Variants in EIF2S3 observed in about 807,000 individuals in gnomAD.
The protein encoded by EIF2S3 is eukaryotic translation initiation factor 2 subunit 3.
A neutral mutation model predicts 31.7 loss-of-function variants in EIF2S3; 2 were observed. The observed-to-expected ratio is 0.06, with a 90% CI of 0.03 to 0.20. The LOEUF is 0.20. Ranked by LOEUF, EIF2S3 falls within the 10% of genes least tolerant of loss-of-function variation. EIF2S3 has a pLI of 1.00. For synonymous variants in EIF2S3, 120 were observed against 126.7 expected (o/e 0.95, Z 0.36); for missense variants, 96 against 359.3 (o/e 0.27, Z 5.92).
chrX:24,075,090 C>T (rs1437666575), intron 11 of EIF2S3, among the ~76,000 whole-genome samples: 1 of 109,591 alleles, frequency 9.1e-6, no homozygotes, highest in Non-Finnish European at 1.9e-5. Context: ...GTCTTTAACC[C>T]CCGACCTCAG....
At chrX:24,070,449 T>G (rs1267285539) in intron 9 of EIF2S3, among the ~76,000 whole-genome samples, 3 of 82,152 alleles carry the variant, frequency 3.7e-5, no homozygotes, top group Non-Finnish European at 7.2e-5. Flanking sequence ...GTTTTTTTTT[T>G]TTTTTTTTTT....
chrX:24,064,901 A>G (rs1390732885), intron 7 of EIF2S3, among the ~76,000 whole-genome samples: 9 of 112,175 alleles, frequency 8.0e-5, no homozygotes, highest in African/African-American at 2.6e-4. Flanking sequence ...GGAGTAATAC[A>G]GTATTCTCCA....
chrX:24,071,006 T>A (rs1930661442), intron 9 of EIF2S3, among the ~76,000 whole-genome samples: 1 of 111,576 alleles, frequency 9.0e-6, no homozygotes, highest in Non-Finnish European at 1.9e-5. Context: ...ACCCTTTGTT[T>A]AGAATTTAAA....
chrX:24,078,420 A>G lies in EIF2S3; in HGVS notation c.*1635A>G, dbSNP rs1459768879. ...GCTGGGGAAGCTTTAAAAAAAAAAA[A>G]GATGCCCCACAGAGATTCTGATTTT... On this transcript the variant is annotated 3_prime_UTR_variant, in exon 12 of 12. Coordinates refer to ENST00000253039, the MANE Select transcript of EIF2S3 (RefSeq NM_001415.4). Among the ~76,000 whole-genome samples, 1 of 110,959 alleles carries G rather than the reference A, an allele frequency of 9.0e-6. No individual in the cohort carries two copies. The highest frequency in any genetic ancestry group is 1.9e-5 in the Non-Finnish European group (1 of 53,007).
chrX:24,067,193 G>A (rs962705990), intron 8 of EIF2S3, among the ~76,000 whole-genome samples: 3 of 110,905 alleles, frequency 2.7e-5, no homozygotes, highest in African/African-American at 9.9e-5. Context: ...ACAGGCACTC[G>A]CAACCTCGCC....
intron 7 of EIF2S3, among the ~76,000 whole-genome samples, chrX:24,065,491 G>A (rs2147128220): frequency 9.0e-6 from 1 of 110,921 alleles, no homozygotes; most frequent in African/African-American, 3.3e-5. Context: ...GTGCAGTGGT[G>A]TGTACCTGTA....
Position 24,078,695 on chromosome X carries a change from A to G in EIF2S3, c.*1910A>G, listed in dbSNP as rs940751588. The stretch of plus-strand genomic sequence containing the variant: ...TTGTAGAAGTTTAGAAGCTCTGGCT[A>G]TGGGTTGCCTAAATTGATGTTTTGA... On this transcript the variant is annotated 3_prime_UTR_variant, in exon 12 of 12. Coordinates refer to ENST00000253039, the MANE Select transcript of EIF2S3 (RefSeq NM_001415.4). Among the ~76,000 whole-genome samples the G allele has an allele frequency of 3.2e-4, 36 of 112,212 alleles. No individual in the cohort carries two copies. The highest frequency in any genetic ancestry group is 4.6e-3 in the Middle Eastern group (1 of 218).
At chrX:24,073,497 C>T (rs1404967882) in intron 11 of EIF2S3, 4 of 265,267 alleles carry the variant, frequency 1.5e-5, no homozygotes, top group Non-Finnish European at 2.6e-5. Context: ...TCAAGACCAT[C>T]CTGGCTAACA....
Position 24,062,552 on chromosome X carries a change from G to C in EIF2S3, c.615G>C (p.Glu205Asp). The C allele has an allele frequency of 8.3e-7, 1 of 1,208,928 alleles. No individual in the cohort carries two copies. Among genetic ancestry groups the C allele is most frequent in the South Asian group, 1.8e-5 (1 of 56,183 alleles). ...AAAGTCAGGCTAAAGAACAATACGA[G>C]CAGATCCTTGCATTTGTCCAAGGTA... ...VKESQAKEQY[E>D]QILAFVQGTV... The change falls in exon 6 of 12, where the codon GAG becomes GAC. Residue 205 changes from glutamate (E) to aspartate (D), a missense_variant. This residue lies in a region of EIF2S3 where 30 missense variants were observed against 139.5 expected (regional missense o/e 0.22). Coordinates refer to ENST00000253039, the MANE Select transcript of EIF2S3 (RefSeq NM_001415.4).
At chrX:24,066,429 A>G (rs1387376797) in intron 8 of EIF2S3, among the ~76,000 whole-genome samples, 1 of 109,826 alleles carries the variant, frequency 9.1e-6, no homozygotes, top group Non-Finnish European at 1.9e-5. Context: ...ATGGCCTCCA[A>G]TTCTAGATGT....
At chrX:24,074,547 A>C (rs775835332) in intron 11 of EIF2S3, among the ~76,000 whole-genome samples, 53 of 111,786 alleles carry the variant, frequency 4.7e-4, no homozygotes, top group African/African-American at 1.5e-3. Context: ...CCCTGGATGT[A>C]GCATCCACTG....
At chrX:24,065,335 C>G (rs1306556412) in intron 7 of EIF2S3, among the ~76,000 whole-genome samples, 1 of 111,962 alleles carries the variant, frequency 8.9e-6, no homozygotes. Context: ...TATACACAGG[C>G]TGGGCATGGT....
chrX:24,060,523 T>C (rs1369699351), intron 5 of EIF2S3: 1 of 243,217 alleles, frequency 4.1e-6, no homozygotes, highest in Non-Finnish European at 7.4e-6. Context: ...TGTGTGTGTA[T>C]GTCTGAACTG....
In EIF2S3 at chrX:24,076,856, AT is replaced by A; in HGVS notation, c.*75del. ...ATTCCTCTTAACAACCAAGGGGTTT[AT>A]TTTCAAAGCAATATTGGGGAATTGA... On this transcript the variant is annotated 3_prime_UTR_variant, in exon 12 of 12. Coordinates refer to ENST00000253039, the MANE Select transcript of EIF2S3 (RefSeq NM_001415.4). 1 of 925,148 alleles carries A rather than the reference AT, an allele frequency of 1.1e-6. No homozygotes were observed. The highest frequency in any genetic ancestry group is 1.5e-6 in the Non-Finnish European group (1 of 679,262). The allele number at this position is 925,148 out of a possible 1,213,427, so 76.2% of individuals were successfully genotyped here.
At position 24,078,644 on chromosome X, in the gene EIF2S3, G is replaced by T. The variant is rs1331263873; in HGVS notation, c.*1859G>T. 8.9e-6 allele frequency among the ~76,000 whole-genome samples: 1 copy of T among 111,930 alleles called. No individual in the cohort carries two copies. The highest frequency in any genetic ancestry group is 1.9e-5 in the Non-Finnish European group (1 of 53,225). ...ATTGAGATGGGATTTGAAGCATATT[G>T]TGCTCTTGTGAATGTTGAAGTTGCA... On this transcript the variant is annotated 3_prime_UTR_variant, in exon 12 of 12. Coordinates refer to ENST00000253039, the MANE Select transcript of EIF2S3 (RefSeq NM_001415.4).
At chrX:24,067,449 TAAC>T (rs1215641222) in intron 8 of EIF2S3, among the ~76,000 whole-genome samples, 2 of 109,093 alleles carry the variant, frequency 1.8e-5, no homozygotes, top group South Asian at 3.9e-4. Flanking sequence ...GGTGGGTAGT[TAAC>T]AACAGTTGGA....
intron 7 of EIF2S3, among the ~76,000 whole-genome samples, chrX:24,065,593 C>G (rs1474925218): frequency 9.0e-6 from 1 of 110,937 alleles, no homozygotes; most frequent in African/African-American, 3.3e-5. Flanking sequence ...ACTCCAGCCT[C>G]TATGATAGAG....
At chrX:24,071,536 T>C (rs772160905) in intron 9 of EIF2S3, 22 bp from the exon 10 acceptor site, 1 of 1,199,936 alleles carries the variant, frequency 8.3e-7, no homozygotes, top group East Asian at 3.0e-5. Context: ...AATTGAGCTA[T>C]ATACATCTTA....
Position 24,062,585 on chromosome X carries a change from A to G in EIF2S3, c.637+11A>G. On this transcript the variant is annotated intron_variant, in intron 6 of 11. Coordinates refer to ENST00000253039, the MANE Select transcript of EIF2S3 (RefSeq NM_001415.4). ...TTGCATTTGTCCAAGGTAAGAAGCC[A>G]TAATATGAAATAAATCTATGAATCA... is the stretch of plus-strand genomic sequence containing the variant. The G allele has an allele frequency of 8.3e-7, 1 of 1,202,895 alleles. No homozygotes were observed. The highest frequency in any genetic ancestry group is 1.7e-5 in the African/African-American group (1 of 57,423).
Sources: gnomAD v4.1 joint callset for allele counts (sites outside exome capture counted in the v4.1 genomes callset) on GRCh38, gnomAD v4.1.1 for gene constraint, gnomAD v4.1.1 regional missense constraint, MANE v1.5 for transcripts, NCBI Gene and HGNC (gene_info 2026-07-23, HGNC 2026-07-21) for gene names.